HTR1F: variants seen among roughly 807,000 people sequenced by gnomAD.
The protein encoded by HTR1F is 5-hydroxytryptamine receptor 1F.
A neutral mutation model predicts 24.0 loss-of-function variants in HTR1F; 17 were observed. The observed-to-expected ratio is 0.71, with a 90% CI of 0.48 to 1.06. The LOEUF (loss-of-function observed/expected upper bound fraction) is 1.06. Ranked by LOEUF, HTR1F falls within the 50% of genes least tolerant of loss-of-function variation. The pLI, the probability that HTR1F is intolerant of heterozygous loss-of-function variation, is 0.00. For synonymous variants in HTR1F, 186 were observed against 156.8 expected (o/e 1.19, Z -1.39); for missense variants, 391 against 427.8 (o/e 0.91, Z 0.76).
chr3:87,859,806 G>C (rs1039986469), intron 2 of HTR1F, among the ~76,000 whole-genome samples: 1 of 152,128 alleles, frequency 6.6e-6, no homozygotes, highest in Non-Finnish European at 1.5e-5. Flanking sequence ...AATCATAACT[G>C]AGGCAAGTTC....
intron 2 of HTR1F, among the ~76,000 whole-genome samples, chr3:87,905,735 CAA>C (rs36028043): frequency 0.12 from 16,619 of 141,618 alleles, 1,082 homozygotes; most frequent in Non-Finnish European, 0.16. Flanking sequence ...CTTTATTTAG[CAA>C]AAAAAAAAAA....
At chr3:87,907,508 AT>A (rs1423057302) in intron 2 of HTR1F, among the ~76,000 whole-genome samples, 1 of 152,044 alleles carries the variant, frequency 6.6e-6, no homozygotes, top group African/African-American at 2.4e-5. Context: ...TAAAAATGTC[AT>A]TTTGTCTAAA....
At chr3:87,938,398 A>G (rs1704480487) in intron 2 of HTR1F, among the ~76,000 whole-genome samples, 1 of 152,210 alleles carries the variant, frequency 6.6e-6, no homozygotes, top group African/African-American at 2.4e-5. Flanking sequence ...TATTCCCATC[A>G]ATCTACCAAT....
chr3:87,831,225 A>C (rs1375267190), intron 2 of HTR1F, among the ~76,000 whole-genome samples: 2 of 151,796 alleles, frequency 1.3e-5, no homozygotes, highest in Non-Finnish European at 2.9e-5. Flanking sequence ...ATGAAGTAAT[A>C]ATCTAATCAA....
intron 2 of HTR1F, among the ~76,000 whole-genome samples, chr3:87,855,088 T>C (rs1251893410): frequency 6.6e-6 from 1 of 152,074 alleles, no homozygotes; most frequent in Non-Finnish European, 1.5e-5. Context: ...AATGGGCTTT[T>C]GCTCCACTTG....
intron 1 of HTR1F, among the ~76,000 whole-genome samples, chr3:87,816,715 T>A (rs1704257195): frequency 6.6e-6 from 1 of 152,094 alleles, no homozygotes; most frequent in Non-Finnish European, 1.5e-5. Context: ...ACCTTCAGTC[T>A]GAATGAGCAT....
At chr3:87,917,162 A>T (rs946660408) in intron 2 of HTR1F, among the ~76,000 whole-genome samples, 6 of 151,938 alleles carry the variant, frequency 3.9e-5, no homozygotes, top group Non-Finnish European at 5.9e-5. Context: ...TCTTCAAACC[A>T]AATGAAAGTA....
At chr3:87,793,810 A>T (rs1359573124) in intron 1 of HTR1F, among the ~76,000 whole-genome samples, 1 of 152,102 alleles carries the variant, frequency 6.6e-6, no homozygotes, top group Non-Finnish European at 1.5e-5. Flanking sequence ...CTGCATGTTA[A>T]TTACTTCCCA....
intron 2 of HTR1F, among the ~76,000 whole-genome samples, chr3:87,829,481 T>C (rs371966291): frequency 9.2e-5 from 14 of 152,268 alleles, no homozygotes; most frequent in African/African-American, 3.1e-4. Flanking sequence ...AGAGAAAGTC[T>C]CCCCATTCAT....
At chr3:87,986,720 T>A (rs570558954) in intron 2 of HTR1F, among the ~76,000 whole-genome samples, 1 of 152,350 alleles carries the variant, frequency 6.6e-6, no homozygotes, top group South Asian at 2.1e-4. Flanking sequence ...ATGCCAAAAT[T>A]GTTTATCAGG....
At chr3:87,919,024 A>G (rs563608627) in intron 2 of HTR1F, among the ~76,000 whole-genome samples, 1 of 152,310 alleles carries the variant, frequency 6.6e-6, no homozygotes, top group East Asian at 1.9e-4. Context: ...GTATAAAAAT[A>G]GGCACATAGA....
rs1170356214 is a variant in HTR1F at position 87,982,946 on chromosome 3, A to G, written c.-42-7762A>G. The stretch of plus-strand genomic sequence containing the variant: ...CATCTGTTTCTTGACTTGATACAAT[A>G]CATGAGATCATGGACTTCAAAGACT... On this transcript the variant is annotated intron_variant, in intron 2 of 2. Coordinates refer to ENST00000319595, the MANE Select transcript of HTR1F (RefSeq NM_001322209.2). 2.9e-5 allele frequency among the ~76,000 whole-genome samples: 4 copies of G among 137,650 alleles called. No individual in the cohort carries two copies. In the Admixed American group the frequency reaches 3.1e-4, roughly 11 times the overall value. 90.3% of individuals were successfully genotyped at this position (137,650 alleles called of 152,430 possible). A position where few individuals can be genotyped will look rare whatever the true frequency, so the allele number is the denominator to read the frequency against.
At chr3:87,896,679 G>T (rs889432172) in intron 2 of HTR1F, among the ~76,000 whole-genome samples, 5 of 151,900 alleles carry the variant, frequency 3.3e-5, no homozygotes, top group African/African-American at 1.2e-4. Flanking sequence ...ATCTGAAAAG[G>T]GATTAATATC....
intron 2 of HTR1F, among the ~76,000 whole-genome samples, chr3:87,891,906 C>T (rs1247598120): frequency 6.6e-6 from 1 of 152,114 alleles, no homozygotes. Context: ...CTGTACAATG[C>T]CAGGAGTGGG....
chr3:87,896,571 G>A (rs1706203305), intron 2 of HTR1F, among the ~76,000 whole-genome samples: 1 of 151,970 alleles, frequency 6.6e-6, no homozygotes, highest in African/African-American at 2.4e-5. Context: ...AAACAAATGA[G>A]ACAACATCAA....
chr3:87,830,683 T>C (rs538166946), intron 2 of HTR1F, among the ~76,000 whole-genome samples: 1 of 152,328 alleles, frequency 6.6e-6, no homozygotes, highest in Admixed American at 6.5e-5. Flanking sequence ...TGAATCTTTA[T>C]ATTTTTACAC....
intron 2 of HTR1F, among the ~76,000 whole-genome samples, chr3:87,844,290 A>AT (rs1704884429): frequency 1.3e-5 from 2 of 150,210 alleles, no homozygotes; most frequent in East Asian, 1.9e-4. Context: ...GATGGTGAGC[A>AT]TTTTTTCATG....
intron 2 of HTR1F, 120 bp from the exon 3 acceptor site, chr3:87,990,585 ATTT>A (rs1279078828): frequency 6.6e-5 from 36 of 547,316 alleles, no homozygotes; most frequent in Non-Finnish European, 1.1e-4. Context: ...TCTGAACCTC[ATTT>A]TTTTAATCTA....
intron 2 of HTR1F, among the ~76,000 whole-genome samples, chr3:87,985,102 G>A (rs1221847872): frequency 4.6e-5 from 7 of 152,120 alleles, no homozygotes; most frequent in African/African-American, 1.4e-4. Context: ...TTGGGAGGCC[G>A]AGGCAGGCAG....
Sources: allele counts gnomAD v4.1 joint callset (sites outside exome capture counted in the v4.1 genomes callset), GRCh38; gene constraint gnomAD v4.1.1; transcripts MANE v1.5; gene names NCBI Gene and HGNC (gene_info 2026-07-23, HGNC 2026-07-21).